Variants in ERN1 observed in about 807,000 individuals in gnomAD.
ERN1 encodes endoplasmic reticulum to nucleus signaling 1, also known as serine/threonine-protein kinase/endoribonuclease IRE1.
ERN1 carries 39 observed loss-of-function variants against 113.1 expected under a neutral mutation model. That is an observed-to-expected ratio of 0.34 (90% confidence interval 0.27 to 0.45). The LOEUF (loss-of-function observed/expected upper bound fraction) is 0.45, where lower values mean the gene tolerates loss of function less well. Among genes scored for constraint, ERN1 ranks in the 20% least tolerant of loss-of-function variants. The pLI is 1.00. For missense variants in ERN1, 976 were observed against 1,274.8 expected (o/e 0.77, Z 3.57); for synonymous variants, 507 against 515.9 (o/e 0.98, Z 0.23).
At chr17:64,092,262 T>C (rs2143441262) in intron 2 of ERN1, among the ~76,000 whole-genome samples, 1 of 152,166 alleles carries the variant, frequency 6.6e-6, no homozygotes, top group South Asian at 2.1e-4. Flanking sequence ...AAGGGGGAAG[T>C]AGCACAGCAT....
rs1598041471 is a variant in ERN1, at chr17:64,044,469, C to T, written c.2722-269G>A. ...GTGACAGTCAGGACCTGGAGACACT[C>T]CTGGCCACCTCAGGAGGAGTAAAGT... On this transcript the variant is annotated intron_variant, in intron 21 of 21. Coordinates refer to ENST00000433197, the MANE Select transcript of ERN1 (RefSeq NM_001433.5). The surrounding 1 kb of genome is among the most constrained non-coding windows in gnomAD (Gnocchi z 4.1). Among the ~76,000 whole-genome samples, 1 of 152,246 alleles carries T rather than the reference C, an allele frequency of 6.6e-6. No homozygotes were observed. The highest frequency in any genetic ancestry group is 1.5e-5 in the Non-Finnish European group (1 of 68,048).
At chr17:64,070,866 T>G (rs1913391988) in intron 6 of ERN1, among the ~76,000 whole-genome samples, 2 of 152,184 alleles carry the variant, frequency 1.3e-5, no homozygotes, top group South Asian at 4.1e-4. Flanking sequence ...TGGTAATAAG[T>G]AAGGCAGGTC....
intron 8 of ERN1, among the ~76,000 whole-genome samples, chr17:64,065,705 T>C (rs1425972902): frequency 6.6e-6 from 1 of 152,080 alleles, no homozygotes; most frequent in Non-Finnish European, 1.5e-5. Context: ...CCATTCTGCC[T>C]TGTGCTTTCT....
chr17:64,128,793 AAAACCCTG>A (rs1915150518), intron 1 of ERN1: 1 of 152,176 alleles, frequency 6.6e-6, no homozygotes, highest in Non-Finnish European at 1.5e-5. Flanking sequence ...TTTAAAAAAA[AAAACCCTG>A]AATTTGAAAA....
rs1272793251 is a variant in ERN1, at chr17:64,042,809, G to C, written c.*1179C>G. 6.6e-6 allele frequency: 1 copy of C among 152,102 alleles called. No individual in the cohort carries two copies. 9.4% of individuals were successfully genotyped at this position (152,102 alleles called of 1,614,324 possible). A position where few individuals can be genotyped will look rare whatever the true frequency, so the allele number is the denominator to read the frequency against. ...GTTCTATACATGAACACTCTTGAGG[G>C]GATGGTGATTTTTGGTACCACAAAA... On this transcript the variant is annotated 3_prime_UTR_variant, in exon 22 of 22. Transcript: ENST00000433197.
At chr17:64,071,885 A>T in intron 6 of ERN1, 96 bp downstream of exon 6, 1 of 1,371,706 alleles carries the variant, frequency 7.3e-7, no homozygotes, top group Non-Finnish European at 1.0e-6. Context: ...TTTGGAAAAA[A>T]GCAGCTCTGG....
At chr17:64,075,792 A>C (rs1913574635) in intron 4 of ERN1, among the ~76,000 whole-genome samples, 1 of 152,240 alleles carries the variant, frequency 6.6e-6, no homozygotes, top group Admixed American at 6.5e-5. Context: ...CTAAGAAAGA[A>C]TTGTCCTGGC....
chr17:64,097,415 G>A (rs1914260579), intron 2 of ERN1, among the ~76,000 whole-genome samples: 2 of 152,276 alleles, frequency 1.3e-5, no homozygotes, highest in Non-Finnish European at 2.9e-5. Context: ...GTTCAGACCC[G>A]AACCTCGGGC....
At chr17:64,062,773 T>TA (rs1184438387) in intron 10 of ERN1, among the ~76,000 whole-genome samples, 3 of 152,228 alleles carry the variant, frequency 2.0e-5, no homozygotes, top group African/African-American at 7.2e-5. Context: ...ACCATGGGCC[T>TA]ATTCATACAT....
At chr17:64,077,428 C>G (rs530817309) in intron 4 of ERN1, among the ~76,000 whole-genome samples, 14 of 151,782 alleles carry the variant, frequency 9.2e-5, no homozygotes, top group African/African-American at 3.1e-4. Context: ...TCTTGCCCCC[C>G]TTTCTAGCCA....
chr17:64,095,723 A>T (rs939531821), intron 2 of ERN1, among the ~76,000 whole-genome samples: 30 of 152,178 alleles, frequency 2.0e-4, no homozygotes, highest in Admixed American at 1.9e-3. Context: ...CAAATGCCTA[A>T]GTGCTCCATC....
At chr17:64,102,046 G>A (rs368390156) in intron 1 of ERN1, among the ~76,000 whole-genome samples, 1 of 152,080 alleles carries the variant, frequency 6.6e-6, no homozygotes, top group Non-Finnish European at 1.5e-5. Flanking sequence ...TTGGGAGGCC[G>A]AGGTGGGTGG....
chr17:64,099,958 T>C (rs1213572374), intron 1 of ERN1, among the ~76,000 whole-genome samples: 3 of 152,210 alleles, frequency 2.0e-5, no homozygotes, highest in Non-Finnish European at 4.4e-5. Flanking sequence ...GTGCAAAGCC[T>C]GAAGTCTGAG....
In ERN1 at chr17:64,063,150, C is replaced by T. The variant is rs558840442; in HGVS notation, c.1087+836G>A. Reference sequence around the variant, plus strand: ...ACAGAGAGAAGAAACTGCACCGGCCCCTGGGTGCTCCAGCACCCGACTGAC... The same window carrying T: ...ACAGAGAGAAGAAACTGCACCGGCCTCTGGGTGCTCCAGCACCCGACTGAC... On this transcript the variant is annotated intron_variant, in intron 10 of 21. Coordinates refer to ENST00000433197, the MANE Select transcript of ERN1 (RefSeq NM_001433.5). This position sits in a 1 kb window ranked among gnomAD's most constrained non-coding sequence, Gnocchi z 5.1. 6.6e-6 allele frequency among the ~76,000 whole-genome samples: 1 copy of T among 152,366 alleles called. No individual in the cohort carries two copies. Among genetic ancestry groups the T allele is most frequent in the South Asian group, 2.1e-4 (1 of 4,830 alleles).
chr17:64,109,664 C>T (rs564893384), intron 1 of ERN1, among the ~76,000 whole-genome samples: 5 of 152,214 alleles, frequency 3.3e-5, no homozygotes, highest in Admixed American at 2.0e-4. Flanking sequence ...TGAAAAGGAC[C>T]GAAGAGATTA....
In ERN1 at chr17:64,055,718, G is replaced by C. The variant is rs772328006; in HGVS notation, c.1629C>G (p.Ala543=). 8 of 1,609,642 alleles carry C rather than the reference G, an allele frequency of 5.0e-6. No individual in the cohort carries two copies. The highest frequency in any genetic ancestry group is 6.8e-6 in the Non-Finnish European group (8 of 1,177,638). The change falls in exon 13 of 22, where the codon GCC becomes GCG. Residue 543 remains alanine (A), a synonymous_variant. Transcript: ENST00000433197. ...SNHSLCSGSS[A]SKAGSSPSLE... Reference sequence around the variant, plus strand: ...GGGAGGGGCTGCTGCCAGCCTTGGAGGCAGAGCTGCCGGAGCAGAGCGAGT... The same window carrying C: ...GGGAGGGGCTGCTGCCAGCCTTGGACGCAGAGCTGCCGGAGCAGAGCGAGT...
At chr17:64,114,391 G>A (rs918388155) in intron 1 of ERN1, among the ~76,000 whole-genome samples, 19 of 152,194 alleles carry the variant, frequency 1.2e-4, no homozygotes, top group Non-Finnish European at 2.5e-4. Flanking sequence ...TGATGGTGGG[G>A]GAAGCACAGT....
At chr17:64,077,664 G>A (rs1213982310) in intron 4 of ERN1, among the ~76,000 whole-genome samples, 1 of 151,836 alleles carries the variant, frequency 6.6e-6, no homozygotes, top group Non-Finnish European at 1.5e-5. Flanking sequence ...CACTGTGGAT[G>A]TTATTTGGCC....
chr17:64,102,191 CAGG>C (rs1406117143), intron 1 of ERN1, among the ~76,000 whole-genome samples: 3 of 152,168 alleles, frequency 2.0e-5, no homozygotes, highest in African/African-American at 4.8e-5. Context: ...GAGGCTGAAG[CAGG>C]AGAATTGCTT....
Sources: allele counts gnomAD v4.1 joint callset (sites outside exome capture counted in the v4.1 genomes callset), GRCh38; gene constraint gnomAD v4.1.1; non-coding constraint Gnocchi (gnomAD v3.1); transcripts MANE v1.5; gene names NCBI Gene and HGNC (gene_info 2026-07-23, HGNC 2026-07-21).